The following SYNE1 variants were observed in gnomAD, a reference collection of about 807,000 sequenced individuals.
The protein encoded by SYNE1 is spectrin repeat containing nuclear envelope protein 1.
Under a neutral mutation model 1,111.0 loss-of-function variants are expected in SYNE1, and 616 were observed. The ratio of observed to expected loss-of-function variants is 0.55; its 90% CI spans 0.52 to 0.59. SYNE1 has a LOEUF of 0.59. Among genes scored for constraint, SYNE1 ranks in the 20% least tolerant of loss-of-function variants. The pLI, the probability that SYNE1 is intolerant of heterozygous loss-of-function variation, is 0.00. For missense variants in SYNE1, 10,006 were observed against 10,417.0 expected (o/e 0.96, Z 1.72); for synonymous variants, 3,855 against 3,825.8 (o/e 1.01, Z -0.28).
At chr6:152,595,998 G>A (rs904094339) in intron 3 of SYNE1, among the ~76,000 whole-genome samples, 28 of 149,906 alleles carry the variant, frequency 1.9e-4, no homozygotes, top group African/African-American at 6.4e-4. Context: ...CCATCACAGT[G>A]GAGAACTGAG....
At chr6:152,440,315 T>A (rs2098517056) in intron 32 of SYNE1, among the ~76,000 whole-genome samples, 1 of 152,236 alleles carries the variant, frequency 6.6e-6, no homozygotes, top group African/African-American at 2.4e-5. Context: ...CTTTTCCTTT[T>A]AAGCCTTCAA....
At chr6:152,234,039 G>C in intron 111 of SYNE1, 76 bp from the exon 112 acceptor site, 1 of 1,459,346 alleles carries the variant, frequency 6.9e-7, no homozygotes, top group South Asian at 1.2e-5. Context: ...CCAATTTAGT[G>C]CATGAAACAA....
chr6:152,247,801 A>G, intron 105 of SYNE1, among the ~76,000 whole-genome samples: 1 of 147,854 alleles, frequency 6.8e-6, no homozygotes, highest in Non-Finnish European at 1.5e-5. Flanking sequence ...AAAAATAAAT[A>G]AAAAGAAAAA....
chr6:152,139,988 C>A lies in SYNE1; in HGVS notation c.25420G>T (p.Asp8474Tyr). The A allele has an allele frequency of 4.3e-6, 7 of 1,614,056 alleles. No homozygotes were observed. Among genetic ancestry groups the A allele is most frequent in the Non-Finnish European group, 5.9e-6 (7 of 1,180,034 alleles). The change falls in exon 140 of 146, where the codon GAC (aspartate) becomes TAC (tyrosine). Residue 8474 changes from aspartate to tyrosine, a missense_variant. Physicochemically the swap from Asp to Tyr is radical, Grantham distance 160. Coordinates refer to ENST00000367255, the MANE Select transcript of SYNE1 (RefSeq NM_182961.4). ...ATCTGGAGCTCGATGGTCTGGATGT[C>A]AGTGCTGAGTTCCAGACGCTGGAGC... ...EQLQRLELST[D>Y]IQTIELQIKK...
In SYNE1 at chr6:152,239,099, A is replaced by T. The variant is rs61631415; in HGVS notation, c.20067+434T>A. On this transcript the variant is annotated intron_variant, in intron 108 of 145. Coordinates refer to ENST00000367255, the MANE Select transcript of SYNE1 (RefSeq NM_182961.4). ...TTTTTAGTAGAGACGGGGTTTCAAC[A>T]TGTTGGTTTGTTTCATCATGTTGGC... Among the ~76,000 whole-genome samples, 289 of 151,766 alleles carry T rather than the reference A, an allele frequency of 1.9e-3. 13 individuals carry two copies. In the East Asian group the frequency reaches 0.053, roughly 28 times the overall value.
intron 100 of SYNE1, among the ~76,000 whole-genome samples, chr6:152,263,971 G>A (rs1275152758): frequency 1.3e-5 from 2 of 151,836 alleles, no homozygotes; most frequent in Admixed American, 1.3e-4. Flanking sequence ...CACTTTGGGA[G>A]GCCAAGGCAG....
chr6:152,532,729 A>G (rs1438946990), intron 4 of SYNE1, among the ~76,000 whole-genome samples: 1 of 152,168 alleles, frequency 6.6e-6, no homozygotes, highest in Non-Finnish European at 1.5e-5. Context: ...TAACTTGTAG[A>G]ACCAGATAAA....
chr6:152,594,431 T>C (rs2099575217), intron 3 of SYNE1, among the ~76,000 whole-genome samples: 1 of 152,182 alleles, frequency 6.6e-6, no homozygotes, highest in Non-Finnish European at 1.5e-5. Context: ...GTTTTGGATG[T>C]TTGCTCTATC....
chr6:152,398,561 G>C, intron 49 of SYNE1, 58 bp downstream of exon 49: 1 of 1,408,860 alleles, frequency 7.1e-7, no homozygotes, highest in Non-Finnish European at 1.0e-6. Flanking sequence ...ACTTAGGTCT[G>C]CCTGCAGGCA....
At chr6:152,575,695 G>A (rs1235756447) in intron 3 of SYNE1, among the ~76,000 whole-genome samples, 1 of 152,154 alleles carries the variant, frequency 6.6e-6, no homozygotes, top group Non-Finnish European at 1.5e-5. Flanking sequence ...ATGCAACCTT[G>A]AACAAGTTTC....
chr6:152,125,331 T>C (rs1459132456), intron 145 of SYNE1: 1 of 1,550,368 alleles, frequency 6.5e-7, no homozygotes. Context: ...TGGAAACAAG[T>C]GGTTTCCTCG....
At chr6:152,364,223 A>G (rs919089720) in intron 63 of SYNE1, among the ~76,000 whole-genome samples, 4 of 152,108 alleles carry the variant, frequency 2.6e-5, no homozygotes, top group African/African-American at 9.7e-5. Flanking sequence ...AAGTTTCCTG[A>G]GGCCTCCCCA....
Position 152,416,787 on chromosome 6 carries a change from G to A in SYNE1, c.5650C>T (p.Leu1884Phe). 6.2e-7 allele frequency: 1 copy of A among 1,614,198 alleles called. No homozygotes were observed. Among genetic ancestry groups the A allele is most frequent in the Non-Finnish European group, 8.5e-7 (1 of 1,180,040 alleles). The change falls in exon 41 of 146, where the codon CTC becomes TTC. Residue 1884 changes from leucine to phenylalanine, a missense_variant. By Grantham distance (22) the Leu-to-Phe change is conservative. Coordinates refer to ENST00000367255, the MANE Select transcript of SYNE1 (RefSeq NM_182961.4). ...TCCACTGTTTGCCTCAGCTGGCGGA[G>A]AATGCCGGACAGAGAGGCATGGCTC... ...LQSHASLSGI[L>F]RQLRQTVEAT...
At chr6:152,495,850 T>C (rs922677332) in intron 11 of SYNE1, among the ~76,000 whole-genome samples, 1 of 152,224 alleles carries the variant, frequency 6.6e-6, no homozygotes, top group African/African-American at 2.4e-5. Flanking sequence ...GTGCTCACCA[T>C]TGCTCCATCT....
At chr6:152,501,889 A>C (rs1594126779) in intron 10 of SYNE1, among the ~76,000 whole-genome samples, 1 of 152,324 alleles carries the variant, frequency 6.6e-6, no homozygotes, top group East Asian at 1.9e-4. Context: ...ATTCTTTATA[A>C]TGTTCATGGA....
chr6:152,389,850 A>G (rs1047561404), intron 53 of SYNE1, among the ~76,000 whole-genome samples: 14 of 152,190 alleles, frequency 9.2e-5, no homozygotes, highest in African/African-American at 3.4e-4. Flanking sequence ...CATTTCCTAT[A>G]ATGCAAATGG....
intron 55 of SYNE1, among the ~76,000 whole-genome samples, chr6:152,383,116 T>A (rs1172997461): frequency 6.6e-6 from 1 of 152,192 alleles, no homozygotes; most frequent in Admixed American, 6.5e-5. Flanking sequence ...CTAACCTACA[T>A]TCAGGCTGGA....
intron 105 of SYNE1, among the ~76,000 whole-genome samples, chr6:152,246,388 T>C (rs6557209): frequency 0.064 from 9,655 of 151,196 alleles, 353 homozygotes; most frequent in East Asian, 0.13. Context: ...AACGATAATG[T>C]ATTCATTAAA....
chr6:152,497,139 T>G (rs972316931), intron 11 of SYNE1, among the ~76,000 whole-genome samples: 1 of 152,228 alleles, frequency 6.6e-6, no homozygotes, highest in Admixed American at 6.5e-5. Flanking sequence ...AAAGCCTGTT[T>G]GGTGGGCTCT....
Sources: allele counts gnomAD v4.1 joint callset (sites outside exome capture counted in the v4.1 genomes callset), GRCh38; gene constraint gnomAD v4.1.1; transcripts MANE v1.5; gene names NCBI Gene and HGNC (gene_info 2026-07-23, HGNC 2026-07-21).